The following SLC17A5 variants were observed in gnomAD, a reference collection of about 807,000 sequenced individuals.
The protein encoded by SLC17A5 is solute carrier family 17 member 5, also known as sialin.
In SLC17A5, 47 loss-of-function variants were observed where a neutral mutation model predicts 59.4. The observed-to-expected ratio is 0.79, with a 90% CI of 0.63 to 1.01. The LOEUF is 1.01. Ranked by LOEUF, SLC17A5 falls within the 50% of genes least tolerant of loss-of-function variation. The pLI, the probability that SLC17A5 is intolerant of heterozygous loss-of-function variation, is 0.00. For synonymous variants in SLC17A5, 202 were observed against 210.7 expected (o/e 0.96, Z 0.36); for missense variants, 522 against 595.5 (o/e 0.88, Z 1.28).
intron 6 of SLC17A5, among the ~76,000 whole-genome samples, chr6:73,635,011 T>C (rs1768927932): frequency 6.7e-6 from 1 of 150,046 alleles, no homozygotes; most frequent in Admixed American, 6.6e-5. Flanking sequence ...TTTTTTATAG[T>C]TTATAAAACT....
At chr6:73,603,420 CTTTTT>C (rs61490134) in intron 9 of SLC17A5, among the ~76,000 whole-genome samples, 2 of 134,002 alleles carry the variant, frequency 1.5e-5, no homozygotes, top group African/African-American at 2.9e-5. Context: ...ATTGCTGCCT[CTTTTT>C]TTTTTTTTTT....
Position 73,641,760 on chromosome 6 carries a change from G to A in SLC17A5, c.456C>T (p.Phe152=), listed in dbSNP as rs1359234758. The change falls in exon 3 of 11, where the codon TTC becomes TTT. Residue 152 remains phenylalanine (F), a synonymous_variant. Coordinates refer to ENST00000355773, the MANE Select transcript of SLC17A5 (RefSeq NM_012434.5). Reference sequence around the variant, plus strand: ...CTCCTAAATCTGCAGCAATGGGAGTGAACAGGGTGAGGACAGCAGTGCCAA... The same window carrying A: ...CTCCTAAATCTGCAGCAATGGGAGTAAACAGGGTGAGGACAGCAGTGCCAA... ...GILGTAVLTL[F]TPIAADLGVG... is the part of the protein sequence containing the mutation. 6.2e-7 allele frequency: 1 copy of A among 1,614,134 alleles called. No individual in the cohort carries two copies. Among genetic ancestry groups the A allele is most frequent in the South Asian group, 1.1e-5 (1 of 91,080 alleles).
chr6:73,614,485 T>C (rs1240086806), intron 8 of SLC17A5, among the ~76,000 whole-genome samples: 3 of 152,188 alleles, frequency 2.0e-5, no homozygotes, highest in Non-Finnish European at 4.4e-5. Context: ...CCTAAAACTT[T>C]TGGAATTTCT....
At chr6:73,597,873 G>C (rs936879232) in intron 10 of SLC17A5, among the ~76,000 whole-genome samples, 1 of 152,100 alleles carries the variant, frequency 6.6e-6, no homozygotes, top group Non-Finnish European at 1.5e-5. Flanking sequence ...GCACTGGGAA[G>C]CCAGTATGAG....
intron 6 of SLC17A5, among the ~76,000 whole-genome samples, chr6:73,626,562 A>T (rs1041851671): frequency 6.6e-6 from 1 of 152,214 alleles, no homozygotes; most frequent in African/African-American, 2.4e-5. Context: ...CGTATCTAGC[A>T]GACATTTATA....
chr6:73,643,169 A>AT (rs1003025797), intron 2 of SLC17A5, among the ~76,000 whole-genome samples: 11 of 149,288 alleles, frequency 7.4e-5, no homozygotes, highest in East Asian at 4.0e-4. Context: ...TTATTTTTAA[A>AT]TTTTTTTTTT....
intron 7 of SLC17A5, 137 bp from the exon 8 acceptor site, chr6:73,615,584 T>A: frequency 2.3e-6 from 2 of 868,630 alleles, no homozygotes; most frequent in Non-Finnish European, 3.7e-6. Flanking sequence ...TTAATATAAT[T>A]ACAGTAAATA....
At chr6:73,653,490 A>ACCGCCGCT in intron 1 of SLC17A5, 2 of 982,044 alleles carry the variant, frequency 2.0e-6, no homozygotes, top group Non-Finnish European at 2.4e-6. Flanking sequence ...CGCCGGCTGC[A>ACCGCCGCT]CCGCCGCTCC....
At chr6:73,632,434 CTTTTTTTTTTT>C (rs1163170650) in intron 6 of SLC17A5, among the ~76,000 whole-genome samples, 6 of 86,792 alleles carry the variant, frequency 6.9e-5, no homozygotes, top group Admixed American at 1.6e-4. Context: ...GTAGAGAAAG[CTTTTTTTTTTT>C]TTTTTTTTTT....
At chr6:73,621,571 A>G (rs988069123) in intron 7 of SLC17A5, among the ~76,000 whole-genome samples, 5 of 152,354 alleles carry the variant, frequency 3.3e-5, no homozygotes, top group Non-Finnish European at 7.3e-5. Flanking sequence ...AGAATTCTTA[A>G]TATGTCTGGA....
intron 2 of SLC17A5, among the ~76,000 whole-genome samples, chr6:73,643,285 C>T (rs982094574): frequency 9.3e-5 from 14 of 150,298 alleles, no homozygotes; most frequent in Non-Finnish European, 1.5e-4. Context: ...TTCAGCCTCC[C>T]GAGTAGCTGG....
Position 73,641,726 on chromosome 6 carries a change from G to C in SLC17A5, c.490C>G (p.Leu164Val). The C allele has an allele frequency of 6.2e-7, 1 of 1,614,034 alleles. No homozygotes were observed. The highest frequency in any genetic ancestry group is 8.5e-7 in the Non-Finnish European group (1 of 1,179,946). ...PIAADLGVGP[L>V]IVLRALEGLG... ...CCTTCTAGTGCTCTGAGTACAATGA[G>C]TGGTCCAACTCCTAAATCTGCAGCA... is the stretch of plus-strand genomic sequence containing the variant. Residue 164 changes from leucine (L) to valine (V), a missense_variant, in exon 3 of 11, where the codon CTC becomes GTC. Leu to Val is a conservative substitution (Grantham distance 32). Coordinates refer to ENST00000355773, the MANE Select transcript of SLC17A5 (RefSeq NM_012434.5).
chr6:73,606,222 T>C (rs1028311176), intron 9 of SLC17A5, among the ~76,000 whole-genome samples: 1 of 151,866 alleles, frequency 6.6e-6, no homozygotes, highest in Non-Finnish European at 1.5e-5. Context: ...TTTGTATTTT[T>C]AGTAGAGATG....
intron 7 of SLC17A5, among the ~76,000 whole-genome samples, chr6:73,617,810 A>G (rs1013276511): frequency 1.3e-5 from 2 of 152,268 alleles, no homozygotes; most frequent in Non-Finnish European, 2.9e-5. Flanking sequence ...ACTGCGCTCC[A>G]GCCTGGGCAA....
intron 9 of SLC17A5, among the ~76,000 whole-genome samples, chr6:73,601,440 C>G (rs1343415268): frequency 7.2e-6 from 1 of 139,458 alleles, no homozygotes; most frequent in Non-Finnish European, 1.6e-5. Context: ...CCCGGCCAGC[C>G]GCCCCGTCCG....
intron 9 of SLC17A5, among the ~76,000 whole-genome samples, chr6:73,602,899 T>C (rs1327286184): frequency 6.6e-6 from 1 of 152,100 alleles, no homozygotes; most frequent in Non-Finnish European, 1.5e-5. Context: ...TAGCTTAAAG[T>C]TTTTTAAGTT....
intron 9 of SLC17A5, among the ~76,000 whole-genome samples, chr6:73,604,759 A>G (rs1703460): frequency 0.16 from 24,899 of 152,020 alleles, 2,390 homozygotes; most frequent in Admixed American, 0.31. Flanking sequence ...TCAAAAGATA[A>G]TAAATACATT....
At chr6:73,643,458 C>A (rs1769384138) in intron 2 of SLC17A5, among the ~76,000 whole-genome samples, 1 of 148,570 alleles carries the variant, frequency 6.7e-6, no homozygotes, top group African/African-American at 2.5e-5. Flanking sequence ...CCGCGCCCGG[C>A]CAAAAATTTA....
At chr6:73,603,351 CA>C (rs950415510) in intron 9 of SLC17A5, among the ~76,000 whole-genome samples, 13 of 150,594 alleles carry the variant, frequency 8.6e-5, no homozygotes, top group African/African-American at 2.9e-4. Context: ...CCCAAATTGC[CA>C]AATTGCTGGG....
Sources: gnomAD v4.1 joint callset for allele counts (sites outside exome capture counted in the v4.1 genomes callset) on GRCh38, gnomAD v4.1.1 for gene constraint, MANE v1.5 for transcripts, NCBI Gene and HGNC (gene_info 2026-07-23, HGNC 2026-07-21) for gene names.